The following BPNT2 variants were observed in gnomAD, a reference collection of about 807,000 sequenced individuals.
The protein encoded by BPNT2 is 3'(2'), 5'-bisphosphate nucleotidase 2, also known as Golgi-resident adenosine 3',5'-bisphosphate 3'-phosphatase.
In BPNT2, 11 loss-of-function variants were observed where a neutral mutation model predicts 29.3. The ratio of observed to expected loss-of-function variants is 0.38; its 90% confidence interval spans 0.24 to 0.62. The LOEUF (loss-of-function observed/expected upper bound fraction) is 0.62, where lower values mean the gene tolerates loss of function less well. BPNT2 is among the 20% of genes least tolerant of loss of function. The pLI, the probability that BPNT2 is intolerant of heterozygous loss-of-function variation, is 0.62. For missense variants in BPNT2, 459 were observed against 473.4 expected, an observed-to-expected ratio of 0.97 and a Z score of 0.28; for synonymous variants, 195 against 187.7, an observed-to-expected ratio of 1.04 and a Z score of -0.32.
chr8:56,966,768 C>T (rs1805960116), intron 3 of BPNT2, among the ~76,000 whole-genome samples: 1 of 152,180 alleles, frequency 6.6e-6, no homozygotes, highest in South Asian at 2.1e-4. Context: ...AAGTCTGATT[C>T]CTGGAGAACC....
chr8:56,981,343 G>T (rs1005725317), intron 1 of BPNT2, among the ~76,000 whole-genome samples: 2 of 152,196 alleles, frequency 1.3e-5, no homozygotes, highest in African/African-American at 4.8e-5. Flanking sequence ...GAGGCGGCTG[G>T]ATCACGAGGT....
chr8:56,986,721 A>G (rs2129206486), intron 1 of BPNT2, among the ~76,000 whole-genome samples: 1 of 152,336 alleles, frequency 6.6e-6, no homozygotes, highest in South Asian at 2.1e-4. Context: ...ACAATCATCT[A>G]ACACAAAGCC....
chr8:56,975,901 G>T (rs1488611578), intron 3 of BPNT2, among the ~76,000 whole-genome samples: 6 of 152,114 alleles, frequency 3.9e-5, no homozygotes, highest in African/African-American at 9.7e-5. Context: ...TTCCTCAATT[G>T]TAAGTGAGAG....
At chr8:56,989,551 G>T (rs1806378808) in intron 1 of BPNT2, among the ~76,000 whole-genome samples, 1 of 152,064 alleles carries the variant, frequency 6.6e-6, no homozygotes, top group Admixed American at 6.5e-5. Context: ...AGAAGGCTAT[G>T]CAAATGTTAG....
intron 1 of BPNT2, among the ~76,000 whole-genome samples, chr8:56,986,136 A>G (rs1806324010): frequency 6.6e-6 from 1 of 152,192 alleles, no homozygotes. Flanking sequence ...TCCCTTTTAT[A>G]AAAGTAAATA....
At chr8:56,979,575 C>A (rs905567693) in intron 2 of BPNT2, among the ~76,000 whole-genome samples, 4 of 152,162 alleles carry the variant, frequency 2.6e-5, no homozygotes, top group Admixed American at 1.3e-4. Context: ...ACAGAACTTA[C>A]CATCTATCAG....
At chr8:56,979,914 T>C in intron 2 of BPNT2, 121 bp downstream of exon 2, 1 of 901,072 alleles carries the variant, frequency 1.1e-6, no homozygotes, top group South Asian at 1.4e-5. Context: ...GCTACTACTG[T>C]TAAAAATGCT....
intron 4 of BPNT2, 87 bp downstream of exon 4, chr8:56,966,104 A>C: frequency 7.0e-7 from 1 of 1,437,020 alleles, no homozygotes; most frequent in Non-Finnish European, 9.8e-7. Context: ...CTTTCCTCCC[A>C]AGCATGGACA....
intron 1 of BPNT2, among the ~76,000 whole-genome samples, chr8:56,982,659 G>A (rs1806264065): frequency 6.6e-6 from 1 of 152,126 alleles, no homozygotes; most frequent in African/African-American, 2.4e-5. Flanking sequence ...TAGTGATAAG[G>A]AGGAAAAAAT....
Position 56,967,430 on chromosome 8 carries a change from T to C in BPNT2, c.647-1078A>G, listed in dbSNP as rs867021535. Among the ~76,000 whole-genome samples, 34 of 151,690 alleles carry C rather than the reference T, an allele frequency of 2.2e-4. 1 individual carries two copies. The highest frequency in any genetic ancestry group is 8.0e-4 in the African/African-American group (33 of 41,240). ...ACAAACGTATGAGAAAGTAGGGAGG[T>C]AAACACTGAAGAACAGCAGGATAAG... On this transcript the variant is annotated intron_variant, in intron 3 of 4. Transcript: ENST00000262644.
intron 3 of BPNT2, among the ~76,000 whole-genome samples, chr8:56,971,718 A>C (rs538939691): frequency 6.8e-4 from 104 of 152,184 alleles, no homozygotes; most frequent in African/African-American, 2.5e-3. Flanking sequence ...AGAGAAATGT[A>C]AACAAATGTA....
intron 3 of BPNT2, among the ~76,000 whole-genome samples, chr8:56,970,909 A>G (rs954619198): frequency 4.6e-5 from 7 of 152,152 alleles, no homozygotes; most frequent in African/African-American, 1.7e-4. Context: ...GAAGAGAACA[A>G]AACAAAAAAT....
intron 3 of BPNT2, among the ~76,000 whole-genome samples, chr8:56,967,400 C>T (rs892671536): frequency 6.6e-6 from 1 of 152,056 alleles, no homozygotes; most frequent in Non-Finnish European, 1.5e-5. Context: ...AAGAGAGCTA[C>T]CAACACAAAC....
At position 56,963,074 on chromosome 8, in the gene BPNT2, C is replaced by T. The variant is rs184852393; in HGVS notation, c.*719G>A. The T allele has an allele frequency of 2.0e-5, 3 of 152,260 alleles. No homozygotes were observed. The highest frequency in any genetic ancestry group is 7.2e-5 in the African/African-American group (3 of 41,538). 9.4% of individuals were successfully genotyped at this position (152,260 alleles called of 1,614,324 possible). On this transcript the variant is annotated 3_prime_UTR_variant, in exon 5 of 5. Transcript: ENST00000262644. The stretch of plus-strand genomic sequence containing the variant: ...TCTTCCACAGGGAAAATGAAAATAG[C>T]AAGATGGCAGAAATGCTGAACTCAT...
rs534718165 is a variant in BPNT2, at chr8:56,969,163, A to C, written c.647-2811T>G. ...TTGATACCAGACTTCTGGCCTCCAA[A>C]ACTTTGAAAGAATAATTTTCTGTTG... On this transcript the variant is annotated intron_variant, in intron 3 of 4. Coordinates refer to ENST00000262644, the MANE Select transcript of BPNT2 (RefSeq NM_017813.5). 7.2e-5 allele frequency among the ~76,000 whole-genome samples: 11 copies of C among 152,336 alleles called. No homozygotes were observed. The East Asian group carries it at 1.5e-3, about 21-fold the overall frequency.
Position 56,993,559 on chromosome 8 carries a change from G to A in BPNT2, c.27C>T (p.Ser9=). The A allele has an allele frequency of 1.4e-6, 2 of 1,478,390 alleles. No individual in the cohort carries two copies. The highest frequency in any genetic ancestry group is 2.6e-5 in the South Asian group (2 of 76,318). 91.6% of individuals were successfully genotyped at this position (1,478,390 alleles called of 1,614,324 possible). ...GGCAAAACACTGCCACCCCCAGTGG[G>A]GAAAGGCGGATGCCCATGGGGGCCA... The part of the protein sequence containing the change: MAPMGIRL[S]PLGVAVFCLL... The change falls in exon 1 of 5, where the codon TCC becomes TCT. Residue 9 remains serine (S), a synonymous_variant. Coordinates refer to ENST00000262644, the MANE Select transcript of BPNT2 (RefSeq NM_017813.5).
At chr8:56,985,308 GT>G (rs1440890755) in intron 1 of BPNT2, among the ~76,000 whole-genome samples, 1 of 152,050 alleles carries the variant, frequency 6.6e-6, no homozygotes, top group Non-Finnish European at 1.5e-5. Context: ...AGCCACTGTA[GT>G]TTTTCATTTC....
Position 56,963,909 on chromosome 8 carries a change from C to T in BPNT2, c.964G>A (p.Glu322Lys), listed in dbSNP as rs76235334. 1.0e-3 allele frequency: 1,630 copies of T among 1,614,184 alleles called. 14 individuals are homozygous for T. The highest frequency in any genetic ancestry group is 8.5e-4 in the Non-Finnish European group (1,007 of 1,180,028). The change falls in exon 5 of 5, where the codon GAA (glutamate) becomes AAA (lysine). Residue 322 changes from glutamate (E) to lysine (K), a missense_variant. Coordinates refer to ENST00000262644, the MANE Select transcript of BPNT2 (RefSeq NM_017813.5). Reference protein sequence around the residue: ...GGHMTTLSGEEISYTGSDGIE... With the variant: ...GGHMTTLSGEKISYTGSDGIE... ...CCGTCTGAACCAGTGTAACTGATTT[C>T]TTCACCACTCAGGGTAGTCATATGC... is the stretch of plus-strand genomic sequence containing the variant.
At chr8:56,978,166 C>G in intron 2 of BPNT2, 21 bp from the exon 3 acceptor site, 2 of 1,396,254 alleles carry the variant, frequency 1.4e-6, no homozygotes, top group Non-Finnish European at 2.0e-6. Flanking sequence ...AAAAACAAAA[C>G]AACACACACA....
Sources: allele counts gnomAD v4.1 joint callset (sites outside exome capture counted in the v4.1 genomes callset), GRCh38; gene constraint gnomAD v4.1.1; transcripts MANE v1.5; gene names NCBI Gene and HGNC (gene_info 2026-07-23, HGNC 2026-07-21).